The following IL1RAPL1 variants were observed in gnomAD, a reference collection of about 807,000 sequenced individuals.
IL1RAPL1 encodes the protein interleukin-1 receptor accessory protein-like 1.
A neutral mutation model predicts 48.4 loss-of-function variants in IL1RAPL1; 3 were observed. The ratio of observed to expected loss-of-function variants is 0.06; its 90% CI spans 0.03 to 0.16. IL1RAPL1 has a LOEUF of 0.16. Ranked by LOEUF, IL1RAPL1 falls within the 10% of genes least tolerant of loss-of-function variation. IL1RAPL1 has a pLI of 1.00. For missense variants in IL1RAPL1, 349 were observed against 530.6 expected (o/e 0.66, Z 3.36); for synonymous variants, 185 against 187.7 (o/e 0.99, Z 0.12).
chrX:29,954,824 C>A, intron 10 of IL1RAPL1, 132 bp downstream of exon 10: 1 of 590,921 alleles, frequency 1.7e-6, no homozygotes, highest in Non-Finnish European at 2.7e-6. Context: ...TAGAAAGAAA[C>A]GTCTTTGTGT....
intron 2 of IL1RAPL1, among the ~76,000 whole-genome samples, chrX:28,824,906 C>CAT (rs1328437473): frequency 9.0e-6 from 1 of 111,519 alleles, no homozygotes; most frequent in Non-Finnish European, 1.9e-5. Flanking sequence ...GTATGTTATG[C>CAT]AACATACCCT....
chrX:29,553,647 T>C (rs1266929969), intron 5 of IL1RAPL1, among the ~76,000 whole-genome samples: 5 of 111,393 alleles, frequency 4.5e-5, no homozygotes, highest in African/African-American at 1.6e-4. Context: ...CTGATAAAGC[T>C]TTTTCCTCCT....
chrX:28,665,714 C>G (rs1431816474), intron 1 of IL1RAPL1, among the ~76,000 whole-genome samples: 1 of 111,554 alleles, frequency 9.0e-6, no homozygotes, highest in Admixed American at 9.5e-5. Flanking sequence ...TGGTCTCGAA[C>G]TCCTGACCTC....
intron 6 of IL1RAPL1, among the ~76,000 whole-genome samples, chrX:29,865,636 C>CTTTTTTT (rs1171882981): frequency 1.4e-4 from 11 of 76,335 alleles, no homozygotes; most frequent in Admixed American, 1.4e-4. Flanking sequence ...CTTTTCTTTT[C>CTTTTTTT]TTTTTTTTTT....
chrX:29,393,092 A>C (rs369903441), intron 3 of IL1RAPL1, among the ~76,000 whole-genome samples: 1 of 111,899 alleles, frequency 8.9e-6, no homozygotes, highest in Non-Finnish European at 1.9e-5. Context: ...TATCCTAATA[A>C]GGAAATGAAA....
chrX:29,063,965 T>C (rs1927396034), intron 2 of IL1RAPL1, among the ~76,000 whole-genome samples: 1 of 111,919 alleles, frequency 8.9e-6, no homozygotes, highest in Admixed American at 9.5e-5. Context: ...ACAATCAGAC[T>C]TTCTACAAAC....
At chrX:29,181,230 A>G (rs1415337739) in intron 2 of IL1RAPL1, among the ~76,000 whole-genome samples, 1 of 111,180 alleles carries the variant, frequency 9.0e-6, no homozygotes, top group African/African-American at 3.3e-5. Context: ...ATTATATAAT[A>G]TAGTACTTGG....
chrX:29,505,417 T>G (rs1390904823), intron 5 of IL1RAPL1, among the ~76,000 whole-genome samples: 1 of 112,086 alleles, frequency 8.9e-6, no homozygotes, highest in Non-Finnish European at 1.9e-5. Context: ...TTTGCATTTC[T>G]TATTAAACAG....
intron 2 of IL1RAPL1, among the ~76,000 whole-genome samples, chrX:29,021,118 C>T (rs943934368): frequency 4.9e-5 from 5 of 102,591 alleles, no homozygotes; most frequent in African/African-American, 1.8e-4. Context: ...CAGGCTGAGG[C>T]AGGAGAATCA....
chrX:29,579,728 C>G (rs757182119), intron 5 of IL1RAPL1, among the ~76,000 whole-genome samples: 169 of 111,042 alleles, frequency 1.5e-3, no homozygotes, highest in Middle Eastern at 0.014. Flanking sequence ...ATGAATATTC[C>G]TCTAATATCA....
intron 1 of IL1RAPL1, among the ~76,000 whole-genome samples, chrX:28,632,651 T>G (rs1446008513): frequency 1.8e-5 from 2 of 111,676 alleles, no homozygotes; most frequent in Non-Finnish European, 3.8e-5. Context: ...ATATATGTAT[T>G]TATTTATTTG....
chrX:29,902,322 A>G (rs1184040018), intron 6 of IL1RAPL1, among the ~76,000 whole-genome samples: 1 of 111,064 alleles, frequency 9.0e-6, no homozygotes, highest in Non-Finnish European at 1.9e-5. Context: ...TCTAGACACC[A>G]TGAACTTTTG....
chrX:29,043,501 A>G lies in IL1RAPL1; in HGVS notation c.83-239437A>G, dbSNP rs780636455. Among the ~76,000 whole-genome samples, 56 of 111,000 alleles carry G rather than the reference A, an allele frequency of 5.0e-4. 1 individual carries two copies. The highest frequency in any genetic ancestry group is 2.1e-4 in the Non-Finnish European group (11 of 52,956). On this transcript the variant is annotated intron_variant, in intron 2 of 10. Transcript: ENST00000378993. ...TTCTTTTTAACGTTTTTCACTGTCT[A>G]ATAAAGGGTCTAAAGCCCTGACTGG...
intron 5 of IL1RAPL1, among the ~76,000 whole-genome samples, chrX:29,609,914 C>T (rs1924036459): frequency 9.0e-6 from 1 of 111,024 alleles, no homozygotes. Flanking sequence ...TATTGACCAT[C>T]AGGATGAATT....
At chrX:29,905,125 GATA>G (rs770585664) in intron 6 of IL1RAPL1, among the ~76,000 whole-genome samples, 1 of 112,379 alleles carries the variant, frequency 8.9e-6, no homozygotes, top group East Asian at 2.8e-4. Context: ...AATGATCAGT[GATA>G]ATGAGCTTTT....
rs191178914 is a variant in IL1RAPL1 at position 28,940,965 on chromosome X, A to T, written c.82+151540A>T. On this transcript the variant is annotated intron_variant, in intron 2 of 10. Coordinates refer to ENST00000378993, the MANE Select transcript of IL1RAPL1 (RefSeq NM_014271.4). ...TTCCCCACTCAGAAAAAAATAAGCC[A>T]CTATATATATTTTTTGTTTAGTTCT... Among the ~76,000 whole-genome samples the T allele has an allele frequency of 3.2e-3, 351 of 110,891 alleles. 3 individuals carry two copies. The highest frequency in any genetic ancestry group is 0.011 in the African/African-American group (328 of 30,702).
chrX:29,542,778 A>G (rs767262029), intron 5 of IL1RAPL1, among the ~76,000 whole-genome samples: 5 of 112,174 alleles, frequency 4.5e-5, no homozygotes, highest in Admixed American at 1.9e-4. Context: ...TCCGATATTA[A>G]GACTTAGACT....
At chrX:29,435,777 A>G (rs1483771050) in intron 5 of IL1RAPL1, among the ~76,000 whole-genome samples, 1 of 110,878 alleles carries the variant, frequency 9.0e-6, no homozygotes, top group Non-Finnish European at 1.9e-5. Flanking sequence ...CTAAGTCACT[A>G]TTGACAGCAG....
chrX:28,713,247 G>C (rs1189471614), intron 1 of IL1RAPL1, among the ~76,000 whole-genome samples: 1 of 109,736 alleles, frequency 9.1e-6, no homozygotes, highest in Non-Finnish European at 1.9e-5. Flanking sequence ...CAGTAGAGAC[G>C]GGGTTTCACT....
Sources: gnomAD v4.1 joint callset for allele counts (sites outside exome capture counted in the v4.1 genomes callset) on GRCh38, gnomAD v4.1.1 for gene constraint, MANE v1.5 for transcripts, NCBI Gene and HGNC (gene_info 2026-07-23, HGNC 2026-07-21) for gene names.